The following TOM1L2 variants were observed in gnomAD, a reference collection of about 807,000 sequenced individuals.
TOM1L2 encodes TOM1-like protein 2.
Under a neutral mutation model 67.9 loss-of-function variants are expected in TOM1L2, and 31 were observed. That is an observed-to-expected ratio of 0.46 (90% CI 0.34 to 0.62). The LOEUF is 0.62. TOM1L2 is among the 20% of genes least tolerant of loss of function. TOM1L2 has a pLI of 0.01. For synonymous variants in TOM1L2, 256 were observed against 254.0 expected (o/e 1.01, Z -0.07); for missense variants, 606 against 663.5 (o/e 0.91, Z 0.95).
intron 1 of TOM1L2, among the ~76,000 whole-genome samples, chr17:17,946,314 A>G (rs2040949879): frequency 6.6e-6 from 1 of 152,200 alleles, no homozygotes; most frequent in African/African-American, 2.4e-5. Context: ...ATGTAACTCT[A>G]GAATATATTC....
chr17:17,948,675 T>TA (rs751564934), intron 1 of TOM1L2, among the ~76,000 whole-genome samples: 20 of 151,024 alleles, frequency 1.3e-4, no homozygotes, highest in Admixed American at 9.9e-4. Context: ...GGCCCTTTCT[T>TA]AGAGTGAAAG....
At chr17:17,889,670 C>T (rs2038175645) in intron 4 of TOM1L2, among the ~76,000 whole-genome samples, 2 of 152,206 alleles carry the variant, frequency 1.3e-5, no homozygotes, top group South Asian at 4.1e-4. Context: ...AGTGCTAACA[C>T]ATTCGATCTA....
At chr17:17,854,818 G>A (rs2036177673) in intron 12 of TOM1L2, among the ~76,000 whole-genome samples, 2 of 152,112 alleles carry the variant, frequency 1.3e-5, no homozygotes, top group African/African-American at 4.8e-5. Context: ...ACAGATGTGA[G>A]CCACTGCACC....
intron 1 of TOM1L2, among the ~76,000 whole-genome samples, chr17:17,930,081 CAAAAA>C (rs2040264019): frequency 6.6e-6 from 1 of 152,038 alleles, no homozygotes; most frequent in African/African-American, 2.4e-5. Flanking sequence ...AAAAACAAAA[CAAAAA>C]AGACACTCCA....
chr17:17,927,993 G>A (rs1409686303), intron 1 of TOM1L2, among the ~76,000 whole-genome samples: 1 of 152,190 alleles, frequency 6.6e-6, no homozygotes, highest in African/African-American at 2.4e-5. Context: ...GAAATTATAT[G>A]ATGTCTGGGA....
At chr17:17,893,619 T>A (rs1411525844) in intron 4 of TOM1L2, 42 bp downstream of exon 4, 4 of 1,590,624 alleles carry the variant, frequency 2.5e-6, no homozygotes, top group East Asian at 2.3e-5. Context: ...AGAGACTTCA[T>A]CTTACTCTGT....
chr17:17,943,595 T>C (rs1434104419), intron 1 of TOM1L2, among the ~76,000 whole-genome samples: 2 of 152,210 alleles, frequency 1.3e-5, no homozygotes, highest in African/African-American at 2.4e-5. Flanking sequence ...CAGATCTCTC[T>C]TGGGGATTGC....
intron 1 of TOM1L2, among the ~76,000 whole-genome samples, chr17:17,911,367 G>C (rs1277684444): frequency 6.6e-6 from 1 of 152,214 alleles, no homozygotes; most frequent in Non-Finnish European, 1.5e-5. Context: ...CCAGTCCTTG[G>C]CCATTAGCAT....
intron 1 of TOM1L2, among the ~76,000 whole-genome samples, chr17:17,934,860 A>T (rs1302197275): frequency 6.6e-6 from 1 of 152,214 alleles, no homozygotes; most frequent in African/African-American, 2.4e-5. Flanking sequence ...TAACAGGGGA[A>T]AACCTTCAGA....
chr17:17,858,153 A>C (rs1422102723), intron 12 of TOM1L2: 2 of 242,426 alleles, frequency 8.2e-6, no homozygotes, highest in Non-Finnish European at 1.6e-5. Context: ...TACGGCTATC[A>C]GGGTTGGGAG....
chr17:17,946,929 T>C (rs982466900), intron 1 of TOM1L2, among the ~76,000 whole-genome samples: 2 of 152,164 alleles, frequency 1.3e-5, no homozygotes, highest in African/African-American at 4.8e-5. Flanking sequence ...TTTACCACGT[T>C]GGCCAGGCTG....
intron 7 of TOM1L2, among the ~76,000 whole-genome samples, chr17:17,873,338 A>C (rs2037250094): frequency 6.6e-6 from 1 of 152,170 alleles, no homozygotes; most frequent in African/African-American, 2.4e-5. Flanking sequence ...CTTCCTGTCC[A>C]CATACAATGT....
At chr17:17,890,113 A>C (rs1395284972) in intron 4 of TOM1L2, among the ~76,000 whole-genome samples, 1 of 152,210 alleles carries the variant, frequency 6.6e-6, no homozygotes, top group Non-Finnish European at 1.5e-5. Context: ...AGTTTTCTAA[A>C]GTATATTCAA....
At chr17:17,887,728 G>T (rs1447750811) in intron 4 of TOM1L2, among the ~76,000 whole-genome samples, 1 of 152,168 alleles carries the variant, frequency 6.6e-6, no homozygotes, top group South Asian at 2.1e-4. Flanking sequence ...CACCCACCTT[G>T]GCTTCCCAAA....
chr17:17,892,333 T>C (rs538971859), intron 4 of TOM1L2, among the ~76,000 whole-genome samples: 1 of 152,322 alleles, frequency 6.6e-6, no homozygotes, highest in South Asian at 2.1e-4. Context: ...CCCTTTGCCC[T>C]TGCTGGAGCC....
intron 4 of TOM1L2, among the ~76,000 whole-genome samples, chr17:17,890,435 T>C (rs2038217098): frequency 6.6e-6 from 1 of 152,188 alleles, no homozygotes; most frequent in South Asian, 2.1e-4. Context: ...AAAAGGAATA[T>C]ATATATGCTC....
chr17:17,949,129 T>C (rs912358116), intron 1 of TOM1L2, among the ~76,000 whole-genome samples: 1 of 152,174 alleles, frequency 6.6e-6, no homozygotes, highest in Non-Finnish European at 1.5e-5. Context: ...TTTCATGCCA[T>C]GCGTTTCTCA....
intron 12 of TOM1L2, chr17:17,857,751 C>T (rs549911761): frequency 5.2e-6 from 8 of 1,534,034 alleles, no homozygotes; most frequent in South Asian, 3.6e-5. Flanking sequence ...AGGCTTGGCT[C>T]GGCTGGTGAC....
At chr17:17,919,773 G>A (rs1433393432) in intron 1 of TOM1L2, among the ~76,000 whole-genome samples, 2 of 152,160 alleles carry the variant, frequency 1.3e-5, no homozygotes, top group African/African-American at 4.8e-5. Flanking sequence ...CAAAAAAATG[G>A]AGAAACAGAA....
Sources: gnomAD v4.1 joint callset for allele counts (sites outside exome capture counted in the v4.1 genomes callset) on GRCh38, gnomAD v4.1.1 for gene constraint, MANE v1.5 for transcripts, NCBI Gene and HGNC (gene_info 2026-07-23, HGNC 2026-07-21) for gene names.